PCBD2: variants seen among roughly 807,000 people sequenced by gnomAD.
PCBD2 encodes the protein pterin-4 alpha-carbinolamine dehydratase 2, also known as pterin-4-alpha-carbinolamine dehydratase 2.
Under a neutral mutation model 16.4 loss-of-function variants are expected in PCBD2, and 12 were observed. The observed-to-expected ratio is 0.73, with a 90% CI of 0.47 to 1.19. The LOEUF is 1.19. Ranked by LOEUF, PCBD2 falls within the 50% of genes most tolerant of loss-of-function variation. The pLI, the probability that PCBD2 is intolerant of heterozygous loss-of-function variation, is 0.00. For synonymous variants in PCBD2, 58 were observed against 61.8 expected (o/e 0.94, Z 0.29); for missense variants, 138 against 156.8 (o/e 0.88, Z 0.64).
intron 2 of PCBD2, among the ~76,000 whole-genome samples, chr5:134,921,853 C>A (rs961154194): frequency 6.6e-6 from 1 of 152,230 alleles, no homozygotes; most frequent in African/African-American, 2.4e-5. Context: ...TTAGGCTCTT[C>A]CTGCTTCCAC....
chr5:134,961,435 G>A lies in PCBD2; in HGVS notation c.*754G>A, dbSNP rs1407712812. On this transcript the variant is annotated 3_prime_UTR_variant, in exon 4 of 4. Transcript: ENST00000254908. ...CGAGTAGCTGGGACTATAGGCACGT[G>A]CCACTGCGCCTAGCTAATTTTTGTA... is the stretch of plus-strand genomic sequence containing the variant. Among the ~76,000 whole-genome samples, 1 of 151,890 alleles carries A rather than the reference G, an allele frequency of 6.6e-6. No individual in the cohort carries two copies. Among genetic ancestry groups the A allele is most frequent in the Non-Finnish European group, 1.5e-5 (1 of 67,978 alleles).
intron 2 of PCBD2, chr5:134,923,838 C>T (rs1266281813): frequency 5.6e-5 from 22 of 393,866 alleles, no homozygotes; most frequent in Non-Finnish European, 9.4e-5. Flanking sequence ...ATTTACGTCT[C>T]GGGTGATATG....
chr5:134,960,467 T>C (rs1308446669), intron 3 of PCBD2, 119 bp from the exon 4 acceptor site: 1 of 709,414 alleles, frequency 1.4e-6, no homozygotes, highest in African/African-American at 1.8e-5. Flanking sequence ...TTCTAAATCA[T>C]TTAATCCCCC....
At chr5:134,905,402 G>A in intron 1 of PCBD2, 179 bp downstream of exon 1, 1 of 453,854 alleles carries the variant, frequency 2.2e-6, no homozygotes, top group Non-Finnish European at 3.5e-6. Context: ...GCCGCTCAGA[G>A]ACCGGGGTGG....
At chr5:134,943,265 C>A (rs1751253317) in intron 2 of PCBD2, among the ~76,000 whole-genome samples, 1 of 152,188 alleles carries the variant, frequency 6.6e-6, no homozygotes, top group Non-Finnish European at 1.5e-5. Context: ...GACCGAAGCA[C>A]TTGTGACTTC....
At chr5:134,945,742 A>C (rs1261440444) in intron 2 of PCBD2, among the ~76,000 whole-genome samples, 1 of 152,220 alleles carries the variant, frequency 6.6e-6, no homozygotes, top group Admixed American at 6.5e-5. Context: ...TGATTCCAGC[A>C]AATTGGAACC....
At chr5:134,907,979 TG>T (rs1445193046) in intron 1 of PCBD2, among the ~76,000 whole-genome samples, 1 of 149,742 alleles carries the variant, frequency 6.7e-6, no homozygotes, top group African/African-American at 2.5e-5. Context: ...TGGAATGCAG[TG>T]GTGATCATAG....
chr5:134,905,246 G>A, intron 1 of PCBD2, 23 bp downstream of exon 1: 1 of 1,223,340 alleles, frequency 8.2e-7, no homozygotes, highest in East Asian at 3.2e-5. Context: ...CGGCCGCGTG[G>A]GTGGGGGTCC....
At chr5:134,940,478 T>C (rs1307039485) in intron 2 of PCBD2, among the ~76,000 whole-genome samples, 1 of 152,156 alleles carries the variant, frequency 6.6e-6, no homozygotes, top group Admixed American at 6.5e-5. Flanking sequence ...TCATATTTCC[T>C]AAGGTTTCAA....
At chr5:134,919,105 G>T (rs1169418417) in intron 2 of PCBD2, among the ~76,000 whole-genome samples, 1 of 152,162 alleles carries the variant, frequency 6.6e-6, no homozygotes, top group African/African-American at 2.4e-5. Flanking sequence ...TTTGCTCTTA[G>T]TCATGTAGTA....
At position 134,952,675 on chromosome 5, in the gene PCBD2, C is replaced by T. The variant is rs945985946; in HGVS notation, c.217-6365C>T. Among the ~76,000 whole-genome samples the T allele has an allele frequency of 6.7e-4, 102 of 152,172 alleles. 1 individual carries two copies. Among genetic ancestry groups the T allele is most frequent in the African/African-American group, 2.4e-3 (98 of 41,522 alleles). ...AAAAAATTAGCCAGGCATAATGGCA[C>T]TTGCCTGTAGTCCTAGCTACTTGGG... On this transcript the variant is annotated intron_variant, in intron 2 of 3. Transcript: ENST00000254908.
intron 2 of PCBD2, among the ~76,000 whole-genome samples, chr5:134,942,434 A>G (rs959167723): frequency 6.6e-6 from 1 of 152,088 alleles, no homozygotes; most frequent in Non-Finnish European, 1.5e-5. Context: ...CAGAGTAGTT[A>G]TTTTATAAAT....
intron 2 of PCBD2, chr5:134,925,382 C>T (rs1327435129): frequency 1.8e-5 from 7 of 398,264 alleles, no homozygotes; most frequent in Non-Finnish European, 3.1e-5. Flanking sequence ...AGTAGTCCTC[C>T]TATTTTTCGA....
chr5:134,952,451 A>G (rs996231494), intron 2 of PCBD2, among the ~76,000 whole-genome samples: 3 of 152,186 alleles, frequency 2.0e-5, no homozygotes, highest in African/African-American at 4.8e-5. Flanking sequence ...AAGTATAGCA[A>G]TTAGCTCTAC....
At chr5:134,930,262 T>G (rs1174741239) in intron 2 of PCBD2, among the ~76,000 whole-genome samples, 6 of 152,214 alleles carry the variant, frequency 3.9e-5, no homozygotes, top group African/African-American at 1.4e-4. Flanking sequence ...TCTCCCATAG[T>G]ACCTAGCCCA....
intron 2 of PCBD2, among the ~76,000 whole-genome samples, chr5:134,950,310 CTA>C (rs1374478125): frequency 1.3e-5 from 2 of 152,028 alleles, no homozygotes; most frequent in African/African-American, 4.8e-5. Context: ...TTAAAATAGT[CTA>C]TAATCAAAAT....
intron 2 of PCBD2, among the ~76,000 whole-genome samples, chr5:134,939,240 C>T (rs1355893631): frequency 6.6e-6 from 1 of 151,968 alleles, no homozygotes; most frequent in African/African-American, 2.4e-5. Flanking sequence ...GTCCTGTCTT[C>T]TTAAAAAGTG....
intron 2 of PCBD2, among the ~76,000 whole-genome samples, chr5:134,944,613 G>A (rs1261128007): frequency 4.6e-5 from 7 of 151,826 alleles, no homozygotes; most frequent in Non-Finnish European, 7.4e-5. Context: ...GATTGTACTG[G>A]ATGAATCCAT....
At position 134,959,058 on chromosome 5, in the gene PCBD2, C is replaced by G; in HGVS notation, c.235C>G (p.Arg79Gly). Residue 79 changes from arginine to glycine, a missense_variant, in exon 3 of 4, where the codon CGA (arginine) becomes GGA (glycine). By Grantham distance (125) the Arg-to-Gly change is moderately radical (BLOSUM62 -2). Coordinates refer to ENST00000254908, the MANE Select transcript of PCBD2 (RefSeq NM_032151.5). ...TATGCAGGCATTTGGCTTTATGTCCCGAGTTGCCCTACAAGCAGAGAAGAT... is the reference window on the plus strand; with the variant it reads ...TATGCAGGCATTTGGCTTTATGTCCGGAGTTGCCCTACAAGCAGAGAAGAT... ...NFNQAFGFMS[R>G]VALQAEKMNH... The G allele has an allele frequency of 6.2e-7, 1 of 1,613,722 alleles. No individual in the cohort carries two copies. Among genetic ancestry groups the G allele is most frequent in the Non-Finnish European group, 8.5e-7 (1 of 1,179,776 alleles).
Sources: allele counts gnomAD v4.1 joint callset (sites outside exome capture counted in the v4.1 genomes callset), GRCh38; gene constraint gnomAD v4.1.1; transcripts MANE v1.5; gene names NCBI Gene and HGNC (gene_info 2026-07-23, HGNC 2026-07-21).